The following CCSER1 variants were observed in gnomAD, a reference collection of about 807,000 sequenced individuals.
The protein encoded by CCSER1 is coiled-coil serine rich protein 1, also known as serine-rich coiled-coil domain-containing protein 1.
In CCSER1, 41 loss-of-function variants were observed where a neutral mutation model predicts 82.0. The ratio of observed to expected loss-of-function variants is 0.50; its 90% CI spans 0.39 to 0.65. The LOEUF (loss-of-function observed/expected upper bound fraction) is 0.65, where lower values mean the gene tolerates loss of function less well. Among genes scored for constraint, CCSER1 ranks in the 30% least tolerant of loss-of-function variants. The pLI, the probability that CCSER1 is intolerant of heterozygous loss-of-function variation, is 0.00. For synonymous variants in CCSER1, 414 were observed against 383.9 expected, an observed-to-expected ratio of 1.08 and a Z score of -0.92; for missense variants, 1,119 against 1,064.2, an observed-to-expected ratio of 1.05 and a Z score of -0.72.
At chr4:91,524,100 T>G (rs1338307923) in intron 10 of CCSER1, among the ~76,000 whole-genome samples, 1 of 152,168 alleles carries the variant, frequency 6.6e-6, no homozygotes, top group Non-Finnish European at 1.5e-5. Flanking sequence ...GAAATAACTT[T>G]CCCTGTCATC....
chr4:90,403,696 A>C (rs559380893), intron 4 of CCSER1, among the ~76,000 whole-genome samples: 1 of 152,280 alleles, frequency 6.6e-6, no homozygotes, highest in South Asian at 2.1e-4. Context: ...AAAATCATTA[A>C]AGGGGTTGAA....
intron 10 of CCSER1, among the ~76,000 whole-genome samples, chr4:91,366,599 G>A (rs545332698): frequency 1.3e-5 from 2 of 152,234 alleles, no homozygotes; most frequent in African/African-American, 4.8e-5. Context: ...AGATTGTCCT[G>A]TGTCTCCTGA....
At chr4:91,076,058 GAATT>G (rs1721964046) in intron 9 of CCSER1, among the ~76,000 whole-genome samples, 1 of 152,102 alleles carries the variant, frequency 6.6e-6, no homozygotes, top group Non-Finnish European at 1.5e-5. Context: ...CCAGATCATA[GAATT>G]AATGAATCTT....
chr4:91,598,426 C>A, intron 10 of CCSER1, 146 bp from the exon 11 acceptor site: 3 of 825,038 alleles, frequency 3.6e-6, no homozygotes, highest in Non-Finnish European at 5.4e-6. Flanking sequence ...AAAATTTAAT[C>A]CCATGGTTAA....
chr4:90,916,995 C>T (rs1002312595), intron 8 of CCSER1, among the ~76,000 whole-genome samples: 26 of 152,084 alleles, frequency 1.7e-4, no homozygotes, highest in Non-Finnish European at 3.1e-4. Context: ...GAATGGTGAT[C>T]ATTAAAAAGT....
intron 9 of CCSER1, among the ~76,000 whole-genome samples, chr4:91,025,616 GA>G (rs1740422109): frequency 6.6e-6 from 1 of 152,058 alleles, no homozygotes; most frequent in Admixed American, 6.6e-5. Context: ...TGAACCCCCT[GA>G]AACTTCTCTA....
At chr4:91,261,306 T>C (rs1741113874) in intron 10 of CCSER1, among the ~76,000 whole-genome samples, 1 of 152,202 alleles carries the variant, frequency 6.6e-6, no homozygotes, top group African/African-American at 2.4e-5. Flanking sequence ...AGCATTAGCT[T>C]TGACTGTCGA....
chr4:90,185,009 T>C (rs893246630), intron 1 of CCSER1, among the ~76,000 whole-genome samples: 6 of 152,060 alleles, frequency 3.9e-5, no homozygotes, highest in African/African-American at 1.2e-4. Context: ...ACCTAGGGAA[T>C]AGGAGTGAGG....
intron 10 of CCSER1, among the ~76,000 whole-genome samples, chr4:91,184,279 C>T (rs1303821567): frequency 6.6e-6 from 1 of 152,194 alleles, no homozygotes; most frequent in Admixed American, 6.5e-5. Flanking sequence ...CAACACTTTC[C>T]AATGATAACA....
At chr4:90,191,314 A>C (rs1417084874) in intron 1 of CCSER1, among the ~76,000 whole-genome samples, 2 of 151,828 alleles carry the variant, frequency 1.3e-5, no homozygotes, top group African/African-American at 4.8e-5. Flanking sequence ...GGGGTATAAA[A>C]CCTGGTGTGA....
At chr4:90,649,201 A>T (rs935207067) in intron 6 of CCSER1, among the ~76,000 whole-genome samples, 5 of 152,194 alleles carry the variant, frequency 3.3e-5, no homozygotes, top group Non-Finnish European at 7.4e-5. Context: ...GTTTATTGGG[A>T]GAAATGAAGA....
chr4:90,169,363 A>G (rs1455403274), intron 1 of CCSER1, among the ~76,000 whole-genome samples: 1 of 152,106 alleles, frequency 6.6e-6, no homozygotes, highest in Non-Finnish European at 1.5e-5. Context: ...CTATCAGCTT[A>G]AGGAGATTTT....
intron 8 of CCSER1, among the ~76,000 whole-genome samples, chr4:90,917,947 T>A (rs1727747528): frequency 1.3e-5 from 2 of 152,078 alleles, no homozygotes; most frequent in African/African-American, 4.8e-5. Flanking sequence ...ACCTTTAGAT[T>A]CATGACTTAG....
intron 7 of CCSER1, among the ~76,000 whole-genome samples, chr4:90,765,342 G>C (rs1751053146): frequency 6.6e-6 from 1 of 152,074 alleles, no homozygotes; most frequent in African/African-American, 2.4e-5. Flanking sequence ...TATATATGCA[G>C]ATTTTAAACA....
At position 90,616,738 on chromosome 4, in the gene CCSER1, C is replaced by CAAATA. The variant is rs137979641; in HGVS notation, c.1725-11273_1725-11269dup. Among the ~76,000 whole-genome samples the CAAATA allele has an allele frequency of 8.1e-4, 47 of 57,796 alleles. 1 individual carries two copies. The highest frequency in any genetic ancestry group is 3.7e-3 in the African/African-American group (44 of 11,774). The allele number at this position is 57,796 out of a possible 152,430, so 37.9% of individuals were successfully genotyped here. On this transcript the variant is annotated intron_variant, in intron 5 of 10. Coordinates refer to ENST00000509176, the MANE Select transcript of CCSER1 (RefSeq NM_001145065.2). ...ACACACACACACACACACACACACACAAATAAAATAAAATAAAAGGGAGAG... is the reference window on the plus strand; with the variant it reads ...ACACACACACACACACACACACACACAAATAAAATAAAATAAAATAAAAGGGAGAG...
intron 8 of CCSER1, among the ~76,000 whole-genome samples, chr4:90,882,192 C>T (rs917600240): frequency 5.3e-5 from 8 of 151,874 alleles, no homozygotes; most frequent in South Asian, 4.1e-4. Context: ...AACATCAAAG[C>T]AAAATGTGAA....
chr4:91,252,086 C>T (rs1441468362), intron 10 of CCSER1, among the ~76,000 whole-genome samples: 1 of 152,030 alleles, frequency 6.6e-6, no homozygotes. Flanking sequence ...AAGAGAAAAG[C>T]AATTTATTAC....
At chr4:90,223,705 G>T (rs1191567846) in intron 1 of CCSER1, among the ~76,000 whole-genome samples, 1 of 152,150 alleles carries the variant, frequency 6.6e-6, no homozygotes, top group African/African-American at 2.4e-5. Flanking sequence ...TTAATCCAGT[G>T]ATTTCAGTGA....
intron 4 of CCSER1, among the ~76,000 whole-genome samples, chr4:90,446,816 C>T (rs1019067207): frequency 2.0e-5 from 3 of 152,120 alleles, no homozygotes; most frequent in African/African-American, 4.8e-5. Flanking sequence ...CAATACCGGC[C>T]TCTCCTCTTC....
Sources: gnomAD v4.1 joint callset for allele counts (sites outside exome capture counted in the v4.1 genomes callset) on GRCh38, gnomAD v4.1.1 for gene constraint, MANE v1.5 for transcripts, NCBI Gene and HGNC (gene_info 2026-07-23, HGNC 2026-07-21) for gene names.